Variants in CLDN10 observed in about 807,000 individuals in gnomAD.
The protein encoded by CLDN10 is claudin-10.
A neutral mutation model predicts 22.9 loss-of-function variants in CLDN10; 15 were observed. The observed-to-expected ratio is 0.65, with a 90% CI of 0.44 to 1.01. The LOEUF is 1.01. CLDN10 is among the 50% of genes least tolerant of loss of function. CLDN10 has a pLI of 0.00. For missense variants in CLDN10, 247 were observed against 287.8 expected, an observed-to-expected ratio of 0.86 and a Z score of 1.03; for synonymous variants, 114 against 111.4, an observed-to-expected ratio of 1.02 and a Z score of -0.15.
Position 95,579,173 on chromosome 13 carries a change from G to A in CLDN10, c.*1159G>A, listed in dbSNP as rs918506877. The stretch of plus-strand genomic sequence containing the variant: ...GGTTAAGGACATCCCAAGCCCAAGT[G>A]GTACGTGCCTCACTCAGAACTGACG... On this transcript the variant is annotated 3_prime_UTR_variant, in exon 5 of 5. Transcript: ENST00000299339. The A allele has an allele frequency of 2.6e-5, 4 of 152,122 alleles. No homozygotes were observed. Among genetic ancestry groups the A allele is most frequent in the Admixed American group, 2.0e-4 (3 of 15,260 alleles). The allele number at this position is 152,122 out of a possible 1,614,324, so 9.4% of individuals were successfully genotyped here.
intron 1 of CLDN10, among the ~76,000 whole-genome samples, chr13:95,507,916 C>T (rs1002822439): frequency 3.9e-5 from 6 of 151,964 alleles, no homozygotes; most frequent in African/African-American, 1.2e-4. Flanking sequence ...AGCCACCAAG[C>T]CTGGCCAAAA....
intron 1 of CLDN10, among the ~76,000 whole-genome samples, chr13:95,554,969 A>C (rs914905556): frequency 2.0e-5 from 3 of 151,908 alleles, no homozygotes; most frequent in African/African-American, 7.3e-5. Flanking sequence ...TATTCAGTTC[A>C]TACTGTCAAA....
intron 1 of CLDN10, among the ~76,000 whole-genome samples, chr13:95,463,489 C>T (rs929277276): frequency 5.3e-5 from 8 of 149,904 alleles, no homozygotes; most frequent in Non-Finnish European, 1.0e-4. Flanking sequence ...TGTGCCACCA[C>T]ATCTGGCTAA....
At chr13:95,509,131 G>A (rs1005629294) in intron 1 of CLDN10, among the ~76,000 whole-genome samples, 10 of 152,140 alleles carry the variant, frequency 6.6e-5, no homozygotes, top group Non-Finnish European at 7.3e-5. Context: ...AGAAGCAGTT[G>A]GGAACAGATA....
intron 1 of CLDN10, among the ~76,000 whole-genome samples, chr13:95,444,447 C>A (rs2042353135): frequency 6.6e-6 from 1 of 152,186 alleles, no homozygotes; most frequent in Non-Finnish European, 1.5e-5. Context: ...AGAATATAGG[C>A]TCTGAGGACT....
At chr13:95,490,257 C>T (rs1028280438) in intron 1 of CLDN10, among the ~76,000 whole-genome samples, 11 of 152,062 alleles carry the variant, frequency 7.2e-5, no homozygotes, top group African/African-American at 1.7e-4. Flanking sequence ...CTGTGAAGAA[C>T]GATGGTGGTA....
chr13:95,489,160 G>T, intron 1 of CLDN10, among the ~76,000 whole-genome samples: 2 of 151,814 alleles, frequency 1.3e-5, no homozygotes, highest in African/African-American at 2.4e-5. Context: ...TGTTGGCCAG[G>T]CTTGTCTTGA....
chr13:95,558,815 C>T (rs2043669659), intron 1 of CLDN10, among the ~76,000 whole-genome samples: 1 of 152,118 alleles, frequency 6.6e-6, no homozygotes, highest in Non-Finnish European at 1.5e-5. Context: ...GTTTCAGCTA[C>T]TCAGAAGGCT....
chr13:95,481,771 G>T (rs1024807055), intron 1 of CLDN10, among the ~76,000 whole-genome samples: 1 of 152,172 alleles, frequency 6.6e-6, no homozygotes, highest in African/African-American at 2.4e-5. Flanking sequence ...TGTAATCCCA[G>T]CATTTTGGGA....
In CLDN10 at chr13:95,496,369, T is replaced by A. The variant is rs1045984272; in HGVS notation, c.214+62322T>A. On this transcript the variant is annotated intron_variant, in intron 1 of 4. Coordinates refer to the CLDN10 transcript ENST00000376873. ...TAAATAGCTTCCTTTACTGCAGGAC[T>A]TTTCAGAGTCTTTGATTTCAATAGG... 3.3e-5 allele frequency among the ~76,000 whole-genome samples: 5 copies of A among 152,226 alleles called. No individual in the cohort carries two copies. In the East Asian group the frequency reaches 5.8e-4, roughly 18 times the overall value.
At chr13:95,476,431 G>A (rs1233556092) in intron 1 of CLDN10, among the ~76,000 whole-genome samples, 2 of 152,172 alleles carry the variant, frequency 1.3e-5, no homozygotes, top group Non-Finnish European at 2.9e-5. Flanking sequence ...AAGTGAGGCA[G>A]CTCTCCGGAG....
chr13:95,561,858 T>C (rs1429312524), intron 3 of CLDN10, among the ~76,000 whole-genome samples: 1 of 151,570 alleles, frequency 6.6e-6, no homozygotes, highest in East Asian at 1.9e-4. Flanking sequence ...CTTGCGCTTC[T>C]GCACTCAAGT....
chr13:95,560,197 T>A lies in CLDN10; in HGVS notation c.286T>A (p.Phe96Ile), dbSNP rs1380053789. 6.2e-7 allele frequency: 1 copy of A among 1,614,184 alleles called. No individual in the cohort carries two copies. ...AVSLGFFGSI[F>I]ALFGMKCTKV... ...CAGCCTGGGCTTCTTTGGTTCCATA[T>A]TTGCGCTCTTTGGAATGAAGTGTAC... Residue 96 changes from phenylalanine (F) to isoleucine (I), a missense_variant, in exon 2 of 5, where the codon TTT becomes ATT. By Grantham distance (21) the Phe-to-Ile change is conservative. Coordinates refer to ENST00000299339, the MANE Select transcript of CLDN10 (RefSeq NM_006984.5).
intron 1 of CLDN10, among the ~76,000 whole-genome samples, chr13:95,443,881 G>T (rs1321859555): frequency 6.6e-6 from 1 of 152,148 alleles, no homozygotes; most frequent in Non-Finnish European, 1.5e-5. Flanking sequence ...AGTCAGCAAG[G>T]CCCCAAGTGC....
At chr13:95,462,272 G>T (rs149730959) in intron 1 of CLDN10, among the ~76,000 whole-genome samples, 3 of 152,222 alleles carry the variant, frequency 2.0e-5, no homozygotes, top group African/African-American at 7.2e-5. Context: ...TATGAATTAT[G>T]ATTTTACCTT....
intron 1 of CLDN10, among the ~76,000 whole-genome samples, chr13:95,553,748 G>A (rs2043599429): frequency 6.6e-6 from 1 of 152,216 alleles, no homozygotes; most frequent in African/African-American, 2.4e-5. Context: ...GTTCCTTTGT[G>A]GAGGTTCACC....
In CLDN10 at chr13:95,579,550, G is replaced by A. The variant is rs543812886; in HGVS notation, c.*1536G>A. 2.0e-5 allele frequency: 3 copies of A among 152,286 alleles called. No homozygotes were observed. Among genetic ancestry groups the A allele is most frequent in the Admixed American group, 6.5e-5 (1 of 15,308 alleles). 9.4% of individuals were successfully genotyped at this position (152,286 alleles called of 1,614,324 possible). ...CCAAGGCAGTCTAGGGTAAAATATA[G>A]TTTCAAAGTATGAATAAGAATTGGT... is the stretch of plus-strand genomic sequence containing the variant. On this transcript the variant is annotated 3_prime_UTR_variant, in exon 5 of 5. Transcript: ENST00000299339.
At chr13:95,481,865 C>T (rs1466028374) in intron 1 of CLDN10, among the ~76,000 whole-genome samples, 1 of 151,968 alleles carries the variant, frequency 6.6e-6, no homozygotes, top group Non-Finnish European at 1.5e-5. Flanking sequence ...ACTAAAAATA[C>T]AAAATTAGCT....
upstream of CLDN10, among the ~76,000 whole-genome samples, chr13:95,551,008 GTTTACCA>G (rs2043559137): frequency 6.6e-6 from 1 of 151,846 alleles, no homozygotes; most frequent in Non-Finnish European, 1.5e-5. Flanking sequence ...TTTAAGTTTA[GTTTACCA>G]GTGAACCTAA....
Sources: allele counts gnomAD v4.1 joint callset (sites outside exome capture counted in the v4.1 genomes callset), GRCh38; gene constraint gnomAD v4.1.1; transcripts MANE v1.5; gene names NCBI Gene and HGNC (gene_info 2026-07-23, HGNC 2026-07-21).